Variants in SEC24B observed in about 807,000 individuals in gnomAD.
The protein encoded by SEC24B is protein transport protein Sec24B.
In SEC24B, 45 loss-of-function variants were observed where a neutral mutation model predicts 142.8. The ratio of observed to expected loss-of-function variants is 0.32; its 90% CI spans 0.25 to 0.40. The LOEUF (loss-of-function observed/expected upper bound fraction) is 0.40. Among genes scored for constraint, SEC24B ranks in the 10% least tolerant of loss-of-function variants. SEC24B has a pLI of 1.00. For synonymous variants in SEC24B, 574 were observed against 568.2 expected, an observed-to-expected ratio of 1.01 and a Z score of -0.15; for missense variants, 1,409 against 1,526.8, an observed-to-expected ratio of 0.92 and a Z score of 1.29.
chr4:109,501,188 A>G (rs754634456), intron 6 of SEC24B, among the ~76,000 whole-genome samples: 4 of 152,232 alleles, frequency 2.6e-5, no homozygotes, highest in Admixed American at 6.5e-5. Flanking sequence ...TAGATATACA[A>G]ATATCATTGT....
intron 19 of SEC24B, 65 bp from the exon 20 acceptor site, chr4:109,531,320 T>G (rs949967019): frequency 7.4e-7 from 1 of 1,358,208 alleles, no homozygotes; most frequent in Non-Finnish European, 1.0e-6. Context: ...ACAGTGTATA[T>G]TTGTTTTAAT....
chr4:109,453,663 C>T (rs1371174330), intron 1 of SEC24B, among the ~76,000 whole-genome samples: 1 of 152,216 alleles, frequency 6.6e-6, no homozygotes, highest in Non-Finnish European at 1.5e-5. Flanking sequence ...AACACATATG[C>T]TCTACAAACA....
intron 1 of SEC24B, among the ~76,000 whole-genome samples, chr4:109,439,981 G>A (rs1728788370): frequency 6.6e-6 from 1 of 150,830 alleles, no homozygotes; most frequent in Non-Finnish European, 1.5e-5. Flanking sequence ...TTAGCCAGGC[G>A]TGGTGGCAGG....
intron 11 of SEC24B, 52 bp from the exon 12 acceptor site, chr4:109,520,314 T>C (rs1723460611): frequency 9.6e-7 from 1 of 1,038,696 alleles, no homozygotes; most frequent in East Asian, 2.4e-5. Context: ...TTTTCTGAAA[T>C]GAAATATGTT....
In SEC24B at chr4:109,433,972, G is replaced by T. The variant is rs1728114825; in HGVS notation, c.103G>T (p.Gly35Cys). ...AGGAGCCGCAGCGCCCGCGGGCCCG[G>T]GTGCGGGCCCGGCGCCGCACCAGCA... ...VSGAAAPAGPGAGPAPHQQNG... is the reference protein window; with the variant it reads ...VSGAAAPAGPCAGPAPHQQNG... Residue 35 changes from glycine to cysteine, a missense_variant, in exon 1 of 24, where the codon GGT (glycine) becomes TGT (cysteine). Coordinates refer to ENST00000265175, the MANE Select transcript of SEC24B (RefSeq NM_006323.5). 1.6e-6 allele frequency: 2 copies of T among 1,219,474 alleles called. No homozygotes were observed. The highest frequency in any genetic ancestry group is 2.0e-6 in the Non-Finnish European group (2 of 981,430). The allele number at this position is 1,219,474 out of a possible 1,614,324, so 75.5% of individuals were successfully genotyped here. A position where few individuals can be genotyped will look rare whatever the true frequency, so the allele number is the denominator to read the frequency against.
intron 1 of SEC24B, 80 bp from the exon 2 acceptor site, chr4:109,462,821 T>A (rs1190172409): frequency 7.1e-6 from 8 of 1,128,828 alleles, no homozygotes; most frequent in Non-Finnish European, 1.0e-5. Context: ...AGAAAGTTAA[T>A]TGCTTCAATA....
At chr4:109,497,347 C>G (rs139138002) in intron 6 of SEC24B, among the ~76,000 whole-genome samples, 81 of 152,284 alleles carry the variant, frequency 5.3e-4, no homozygotes, top group African/African-American at 1.9e-3. Context: ...AATAAATATT[C>G]TACCAGAATT....
intron 11 of SEC24B, among the ~76,000 whole-genome samples, chr4:109,518,385 C>T (rs1723208568): frequency 6.6e-6 from 1 of 152,158 alleles, no homozygotes; most frequent in Non-Finnish European, 1.5e-5. Flanking sequence ...GAGAGTGGTT[C>T]ACTACTGCAG....
intron 5 of SEC24B, among the ~76,000 whole-genome samples, chr4:109,492,382 A>G (rs1735111351): frequency 1.3e-5 from 2 of 152,200 alleles, no homozygotes; most frequent in Admixed American, 1.3e-4. Flanking sequence ...AAGATCTTCT[A>G]GAAGAGTTGC....
intron 6 of SEC24B, among the ~76,000 whole-genome samples, chr4:109,495,330 C>T (rs1378396202): frequency 2.6e-5 from 4 of 152,176 alleles, no homozygotes; most frequent in South Asian, 2.1e-4. Flanking sequence ...CATAAATATG[C>T]TCATAGGCTC....
Position 109,506,423 on chromosome 4 carries a change from T to C in SEC24B, c.1584T>C (p.Thr528=), listed in dbSNP as rs535890273. The C allele has an allele frequency of 2.5e-6, 4 of 1,610,646 alleles. No homozygotes were observed. Among genetic ancestry groups the C allele is most frequent in the East Asian group, 2.2e-5 (1 of 44,660 alleles). Residue 528 remains threonine, a synonymous_variant, in exon 7 of 24, where the codon ACT becomes ACC. Coordinates refer to ENST00000265175, the MANE Select transcript of SEC24B (RefSeq NM_006323.5). ...QPESLRPVNL[T]QERNILPMTP... ...AAAGCCTGAGACCTGTAAACCTTAC[T>C]CAGGAGAGGAATATTTTACCTATGA...
intron 2 of SEC24B, among the ~76,000 whole-genome samples, chr4:109,466,492 G>A (rs969760790): frequency 6.6e-6 from 1 of 152,198 alleles, no homozygotes; most frequent in Non-Finnish European, 1.5e-5. Context: ...CTCACTGCAA[G>A]CTCCGCCTTC....
chr4:109,457,232 G>A (rs186736565), intron 1 of SEC24B, among the ~76,000 whole-genome samples: 190 of 152,284 alleles, frequency 1.2e-3, no homozygotes, highest in Admixed American at 2.6e-3. Flanking sequence ...CACAAAGTAG[G>A]TAGCTTAAAA....
chr4:109,467,325 C>CAAAAAAAA (rs70949083), intron 2 of SEC24B, among the ~76,000 whole-genome samples: 3 of 59,850 alleles, frequency 5.0e-5, no homozygotes, highest in Non-Finnish European at 6.7e-5. Flanking sequence ...GACTCCGTCT[C>CAAAAAAAA]AAAAAAAAAA....
chr4:109,445,109 G>T (rs1054966859), intron 1 of SEC24B, among the ~76,000 whole-genome samples: 1 of 152,048 alleles, frequency 6.6e-6, no homozygotes, highest in African/African-American at 2.4e-5. Flanking sequence ...AATTTTTGTA[G>T]AGATGGAGTT....
At chr4:109,463,734 T>C (rs1043139673) in intron 2 of SEC24B, 90 bp downstream of exon 2, 37 of 1,504,050 alleles carry the variant, frequency 2.5e-5, no homozygotes, top group African/African-American at 5.6e-5. Context: ...AGAGGTGATA[T>C]TGCCTAATAG....
chr4:109,495,156 T>C (rs1017637230), intron 6 of SEC24B, among the ~76,000 whole-genome samples: 1 of 152,218 alleles, frequency 6.6e-6, no homozygotes, highest in African/African-American at 2.4e-5. Flanking sequence ...AAGTATTAAT[T>C]TTATAATCAG....
chr4:109,466,369 C>T (rs563968438), intron 2 of SEC24B, among the ~76,000 whole-genome samples: 18 of 152,296 alleles, frequency 1.2e-4, no homozygotes, highest in African/African-American at 4.1e-4. Context: ...TATATTTTCA[C>T]ATTAAAATGA....
chr4:109,475,966 A>G (rs1429226095), intron 3 of SEC24B, among the ~76,000 whole-genome samples: 2 of 150,990 alleles, frequency 1.3e-5, no homozygotes, highest in Non-Finnish European at 2.9e-5. Context: ...GAAGCCATCA[A>G]TCATTACAAC....
Sources: gnomAD v4.1 joint callset for allele counts (sites outside exome capture counted in the v4.1 genomes callset) on GRCh38, gnomAD v4.1.1 for gene constraint, MANE v1.5 for transcripts, NCBI Gene and HGNC (gene_info 2026-07-23, HGNC 2026-07-21) for gene names.